The following RNF180 variants were observed in gnomAD, a reference collection of about 807,000 sequenced individuals.
RNF180 encodes E3 ubiquitin-protein ligase RNF180.
RNF180 carries 38 observed loss-of-function variants against 59.2 expected under a neutral mutation model. That is an observed-to-expected ratio of 0.64 (90% CI 0.50 to 0.84). RNF180 has a LOEUF of 0.84. Among genes scored for constraint, RNF180 ranks in the 40% least tolerant of loss-of-function variants. The probability of loss-of-function intolerance (pLI) is 0.00; values close to 1 mark genes in which losing one functional copy is unlikely to be tolerated. For synonymous variants in RNF180, 262 were observed against 240.3 expected, an observed-to-expected ratio of 1.09 and a Z score of -0.84; for missense variants, 705 against 700.9, an observed-to-expected ratio of 1.01 and a Z score of -0.07.
chr5:64,300,699 A>G (rs1743117945), intron 5 of RNF180, among the ~76,000 whole-genome samples: 1 of 151,738 alleles, frequency 6.6e-6, no homozygotes, highest in Non-Finnish European at 1.5e-5. Context: ...GTATGGCACA[A>G]ACATTAGATT....
At chr5:64,352,381 G>T (rs1440463980) in intron 7 of RNF180, among the ~76,000 whole-genome samples, 3 of 151,892 alleles carry the variant, frequency 2.0e-5, no homozygotes, top group African/African-American at 2.4e-5. Flanking sequence ...TTTTTGAAGG[G>T]TTTTTTCTGT....
At chr5:64,178,090 G>A (rs370464588) in intron 1 of RNF180, among the ~76,000 whole-genome samples, 6 of 151,524 alleles carry the variant, frequency 4.0e-5, no homozygotes, top group Admixed American at 3.3e-4. Context: ...TGTAATCCCA[G>A]CTACTCAGGA....
chr5:64,191,990 A>G (rs985685220), intron 1 of RNF180, among the ~76,000 whole-genome samples: 6 of 151,960 alleles, frequency 3.9e-5, no homozygotes, highest in Middle Eastern at 3.2e-3. Flanking sequence ...TAGGGGTCCA[A>G]TTTTATTTTT....
intron 5 of RNF180, among the ~76,000 whole-genome samples, chr5:64,313,415 T>A (rs563518751): frequency 1.3e-5 from 2 of 152,268 alleles, no homozygotes; most frequent in East Asian, 3.9e-4. Flanking sequence ...GGTATCTCAT[T>A]TTCTGTTCTG....
At chr5:64,361,922 G>A (rs926473311) in intron 7 of RNF180, among the ~76,000 whole-genome samples, 18 of 150,804 alleles carry the variant, frequency 1.2e-4, no homozygotes, top group African/African-American at 3.6e-4. Context: ...GGTATTTGGT[G>A]GACAAAAAAA....
chr5:64,280,719 A>G (rs1267398967), intron 5 of RNF180, among the ~76,000 whole-genome samples: 1 of 152,022 alleles, frequency 6.6e-6, no homozygotes, highest in Non-Finnish European at 1.5e-5. Context: ...CTTGTAGTAT[A>G]GTTTAAAGTA....
intron 2 of RNF180, among the ~76,000 whole-genome samples, chr5:64,204,846 A>C (rs1751934881): frequency 6.6e-6 from 1 of 152,146 alleles, no homozygotes; most frequent in South Asian, 2.1e-4. Context: ...GGTTATAATC[A>C]GCTTTATGTA....
intron 5 of RNF180, among the ~76,000 whole-genome samples, chr5:64,243,801 A>G (rs1441525400): frequency 6.6e-6 from 1 of 152,100 alleles, no homozygotes; most frequent in East Asian, 1.9e-4. Context: ...ACTGGGACAC[A>G]CCTCCCAGCA....
intron 5 of RNF180, among the ~76,000 whole-genome samples, chr5:64,323,389 A>C (rs1210251339): frequency 6.6e-6 from 1 of 152,136 alleles, no homozygotes; most frequent in Admixed American, 6.5e-5. Flanking sequence ...AAAAATACAA[A>C]GAATAGTCGG....
At chr5:64,208,063 T>C (rs753169534) in intron 2 of RNF180, among the ~76,000 whole-genome samples, 2 of 152,070 alleles carry the variant, frequency 1.3e-5, no homozygotes, top group Non-Finnish European at 2.9e-5. Flanking sequence ...CACATAATGA[T>C]AAAAAATAAG....
At chr5:64,209,227 A>G (rs141412451) in intron 2 of RNF180, among the ~76,000 whole-genome samples, 4 of 152,146 alleles carry the variant, frequency 2.6e-5, no homozygotes, top group Admixed American at 6.5e-5. Flanking sequence ...AATAAAAAGA[A>G]TAAGTACATT....
At chr5:64,219,531 A>G (rs571657643) in intron 5 of RNF180, among the ~76,000 whole-genome samples, 35 of 151,806 alleles carry the variant, frequency 2.3e-4, no homozygotes, top group African/African-American at 7.7e-4. Context: ...TTTTTTTTCA[A>G]TTGACATGGA....
At chr5:64,261,825 G>A (rs1042313498) in intron 5 of RNF180, among the ~76,000 whole-genome samples, 6 of 152,228 alleles carry the variant, frequency 3.9e-5, no homozygotes, top group East Asian at 1.9e-4. Context: ...CATCACTTGC[G>A]TTTGGTGTTT....
At chr5:64,195,394 A>G (rs538512004) in intron 1 of RNF180, among the ~76,000 whole-genome samples, 131 of 152,206 alleles carry the variant, frequency 8.6e-4, no homozygotes, top group African/African-American at 2.9e-3. Flanking sequence ...GTTATTAACC[A>G]CCTCCTGTGT....
At chr5:64,167,456 T>G (rs1363585419) in intron 1 of RNF180, among the ~76,000 whole-genome samples, 1 of 152,102 alleles carries the variant, frequency 6.6e-6, no homozygotes, top group African/African-American at 2.4e-5. Flanking sequence ...AAAGTGAAGA[T>G]TTTTTCTTCG....
At chr5:64,255,927 G>C (rs1186826326) in intron 5 of RNF180, among the ~76,000 whole-genome samples, 1 of 152,182 alleles carries the variant, frequency 6.6e-6, no homozygotes, top group Non-Finnish European at 1.5e-5. Context: ...TTGTGGTTTT[G>C]ATTTGCATTT....
intron 5 of RNF180, among the ~76,000 whole-genome samples, chr5:64,241,012 A>C (rs1332640882): frequency 6.6e-6 from 1 of 152,262 alleles, no homozygotes; most frequent in Non-Finnish European, 1.5e-5. Context: ...CTGTACAAAT[A>C]ATAATTCAAT....
At position 64,325,239 on chromosome 5, in the gene RNF180, G is replaced by T. The variant is rs111583002; in HGVS notation, c.1281G>T (p.Lys427Asn). ...TDEDNEYAEE[K>N]DSYICAVCLD... ...AAGACAATGAATATGCAGAAGAAAA[G>T]GATAGCTACATCTGTGCAGTGTGTC... Residue 427 changes from lysine (K) to asparagine (N), a missense_variant, in exon 6 of 8, where the codon AAG (lysine) becomes AAT (asparagine). Physicochemically the swap from Lys to Asn is moderately conservative, Grantham distance 94 (BLOSUM62 0). Transcript: ENST00000389100. 1 of 1,551,312 alleles carries T rather than the reference G, an allele frequency of 6.4e-7. No homozygotes were observed. The highest frequency in any genetic ancestry group is 1.4e-5 in the African/African-American group (1 of 73,028).
intron 7 of RNF180, among the ~76,000 whole-genome samples, chr5:64,348,611 T>G (rs1359719696): frequency 6.6e-6 from 1 of 152,098 alleles, no homozygotes; most frequent in Non-Finnish European, 1.5e-5. Context: ...TAGCGATTTT[T>G]TTTAATCCTC....
Sources: gnomAD v4.1 joint callset for allele counts (sites outside exome capture counted in the v4.1 genomes callset) on GRCh38, gnomAD v4.1.1 for gene constraint, MANE v1.5 for transcripts, NCBI Gene and HGNC (gene_info 2026-07-23, HGNC 2026-07-21) for gene names.